The following TAB1 variants were observed in gnomAD, a reference collection of about 807,000 sequenced individuals.
TAB1 encodes the protein TGF-beta-activated kinase 1 and MAP3K7-binding protein 1.
In TAB1, 30 loss-of-function variants were observed where a neutral mutation model predicts 54.5. That is an observed-to-expected ratio of 0.55 (90% CI 0.41 to 0.75). The LOEUF (loss-of-function observed/expected upper bound fraction) is 0.75, where lower values mean the gene tolerates loss of function less well. Among genes scored for constraint, TAB1 ranks in the 30% least tolerant of loss-of-function variants. The pLI is 0.00. For synonymous variants in TAB1, 289 were observed against 286.9 expected, an observed-to-expected ratio of 1.01 and a Z score of -0.07; for missense variants, 609 against 683.2, an observed-to-expected ratio of 0.89 and a Z score of 1.21.
At chr22:39,433,165 G>A (rs1927651233), downstream of TAB1, 4 of 985,246 alleles carry the variant, frequency 4.1e-6, no homozygotes, top group Non-Finnish European at 3.6e-6. Context: ...AAAGACATCA[G>A]TCTCGGCCGG....
chr22:39,436,458 C>G, downstream of TAB1: 2 of 1,570,158 alleles, frequency 1.3e-6, no homozygotes, highest in Non-Finnish European at 1.8e-6. Flanking sequence ...GACTTTTCTT[C>G]ATGTGTCATG....
Position 39,403,462 on chromosome 22 carries a change from G to A in TAB1, c.33+3627G>A, listed in dbSNP as rs79766902. On this transcript the variant is annotated intron_variant, in intron 1 of 10. Coordinates refer to ENST00000216160, the MANE Select transcript of TAB1 (RefSeq NM_006116.3). Reference sequence around the variant, plus strand: ...TCAGGGGTGCTGGTGCAGCTGGGTGGAGTGCCTTGGGGGAGCTTGGGAGTA... The same window carrying A: ...TCAGGGGTGCTGGTGCAGCTGGGTGAAGTGCCTTGGGGGAGCTTGGGAGTA... Among the ~76,000 whole-genome samples the A allele has an allele frequency of 2.6e-3, 394 of 152,274 alleles. 1 individual carries two copies. Among genetic ancestry groups the A allele is most frequent in the African/African-American group, 9.2e-3 (383 of 41,550 alleles).
In TAB1 at chr22:39,415,774, C is replaced by A; in HGVS notation, c.324+121C>A. ...GAAGATCCTGCCGGCCCCTTCACCC[C>A]AGTAGAGGAGCAGCTCCCAGCGTAG... On this transcript the variant is annotated intron_variant, in intron 3 of 10. Coordinates refer to ENST00000216160, the MANE Select transcript of TAB1 (RefSeq NM_006116.3). The surrounding 1 kb of genome is among the most constrained non-coding windows in gnomAD (Gnocchi z 4.9). The A allele has an allele frequency of 7.6e-7, 1 of 1,323,738 alleles. No homozygotes were observed. The highest frequency in any genetic ancestry group is 1.0e-6 in the Non-Finnish European group (1 of 979,010). 82.0% of individuals were successfully genotyped at this position (1,323,738 alleles called of 1,614,324 possible).
chr22:39,399,970 C>G, intron 1 of TAB1, 135 bp downstream of exon 1: 1 of 1,004,848 alleles, frequency 1.0e-6, no homozygotes, highest in Non-Finnish European at 1.5e-6. Flanking sequence ...ACCTTCTCCT[C>G]TCCTCGGGCT....
chr22:39,408,750 C>T (rs8139905), intron 1 of TAB1, among the ~76,000 whole-genome samples: 7,209 of 152,268 alleles, frequency 0.047, 600 homozygotes, highest in African/African-American at 0.17. Flanking sequence ...ATCCACCCAC[C>T]TCGGCCTCCC....
chr22:39,410,608 C>G (rs1926567571), intron 1 of TAB1, among the ~76,000 whole-genome samples: 2 of 148,494 alleles, frequency 1.3e-5, no homozygotes, highest in African/African-American at 5.0e-5. Flanking sequence ...GTTATACTGT[C>G]TATTTTCAAA....
chr22:39,417,977 T>G (rs1926913372), intron 5 of TAB1, 128 bp downstream of exon 5: 4 of 1,230,160 alleles, frequency 3.3e-6, no homozygotes, highest in Non-Finnish European at 4.4e-6. Flanking sequence ...CTGAGACCGT[T>G]GGGTATGTCC....
intron 8 of TAB1, among the ~76,000 whole-genome samples, chr22:39,423,264 G>A (rs537704902): frequency 6.6e-6 from 1 of 152,130 alleles, no homozygotes; most frequent in South Asian, 2.1e-4. Context: ...TGCTGGGATT[G>A]TAGGCATGAG....
intron 3 of TAB1, 173 bp from the exon 4 acceptor site, chr22:39,416,618 A>T: frequency 3.1e-6 from 2 of 654,672 alleles, no homozygotes; most frequent in Non-Finnish European, 5.5e-6. Flanking sequence ...TGCAGGAAGC[A>T]GCCGGTGCCT....
intron 8 of TAB1, among the ~76,000 whole-genome samples, chr22:39,423,567 T>C (rs1452638426): frequency 1.3e-5 from 2 of 152,312 alleles, no homozygotes; most frequent in African/African-American, 4.8e-5. Context: ...ATCGCACCAC[T>C]GCACTCCAGC....
chr22:39,402,116 A>T (rs1296902356), intron 1 of TAB1, among the ~76,000 whole-genome samples: 2 of 152,066 alleles, frequency 1.3e-5, no homozygotes, highest in Non-Finnish European at 2.9e-5. Context: ...GGAGTTTGCC[A>T]AGCAGAGGAG....
At chr22:39,433,042 A>C (rs531100810), downstream of TAB1, 16 of 985,378 alleles carry the variant, frequency 1.6e-5, no homozygotes, top group African/African-American at 2.8e-4. Flanking sequence ...AGGTGGGCCA[A>C]AGTGGCCCTC....
At chr22:39,417,669 C>G (rs778814259) in intron 4 of TAB1, 42 bp from the exon 5 acceptor site, 1 of 1,534,618 alleles carries the variant, frequency 6.5e-7, no homozygotes, top group South Asian at 1.3e-5. Context: ...GGAAGATGGT[C>G]CAGAGTTCTG....
chr22:39,432,702 T>G (rs1331917698), downstream of TAB1: 18 of 976,328 alleles, frequency 1.8e-5, no homozygotes, highest in Non-Finnish European at 2.2e-5. Flanking sequence ...GGCACAGTCC[T>G]GGTCACAAGT....
At chr22:39,402,719 C>T (rs1025933077) in intron 1 of TAB1, among the ~76,000 whole-genome samples, 1 of 151,862 alleles carries the variant, frequency 6.6e-6, no homozygotes, top group Non-Finnish European at 1.5e-5. Flanking sequence ...CACCAGCTAA[C>T]TTTCATATTT....
chr22:39,418,692 T>C lies in TAB1; in HGVS notation c.551-40T>C, dbSNP rs746312538. 20 of 1,434,444 alleles carry C rather than the reference T, an allele frequency of 1.4e-5. No homozygotes were observed. The Admixed American group carries it at 1.5e-4, about 11-fold the overall frequency. 88.9% of individuals were successfully genotyped at this position (1,434,444 alleles called of 1,614,324 possible). On this transcript the variant is annotated intron_variant, in intron 5 of 10. Coordinates refer to ENST00000216160, the MANE Select transcript of TAB1 (RefSeq NM_006116.3). ...CTTCCCGGTATGCCCTATTTCTCTC[T>C]GTGTGTAGTCTTTGCTTAGCTGTTC...
chr22:39,419,269 G>A (rs988213052), intron 6 of TAB1, among the ~76,000 whole-genome samples: 4 of 152,178 alleles, frequency 2.6e-5, no homozygotes, highest in African/African-American at 4.8e-5. Flanking sequence ...GCAGGGAGAC[G>A]GCAGGCAAGC....
At chr22:39,433,183 G>A, downstream of TAB1, 2 of 985,400 alleles carry the variant, frequency 2.0e-6, no homozygotes, top group South Asian at 4.7e-5. Context: ...CGGGCGCGGT[G>A]GCTCAGGCCT....
intron 8 of TAB1, among the ~76,000 whole-genome samples, chr22:39,425,767 C>T (rs1399473852): frequency 6.6e-6 from 1 of 151,458 alleles, no homozygotes; most frequent in Non-Finnish European, 1.5e-5. Flanking sequence ...AGGATGGTCT[C>T]GATCTCCTGA....
Sources: allele counts gnomAD v4.1 joint callset (sites outside exome capture counted in the v4.1 genomes callset), GRCh38; gene constraint gnomAD v4.1.1; non-coding constraint Gnocchi (gnomAD v3.1); transcripts MANE v1.5; gene names NCBI Gene and HGNC (gene_info 2026-07-23, HGNC 2026-07-21).